Variants in EZH2 observed in about 807,000 individuals in gnomAD.
EZH2 encodes enhancer of zeste 2 polycomb repressive complex 2 subunit, also known as histone-lysine N-methyltransferase EZH2.
EZH2 carries 18 observed loss-of-function variants against 98.4 expected under a neutral mutation model. That is an observed-to-expected ratio of 0.18 (90% CI 0.13 to 0.27). EZH2 has a LOEUF of 0.27. Ranked by LOEUF, EZH2 falls within the 10% of genes least tolerant of loss-of-function variation. The probability of loss-of-function intolerance (pLI) is 1.00; values close to 1 mark genes in which losing one functional copy is unlikely to be tolerated. For synonymous variants in EZH2, 338 were observed against 312.3 expected (o/e 1.08, Z -0.87); for missense variants, 470 against 935.1 (o/e 0.50, Z 6.49).
chr7:148,830,841 G>A (rs895468245), intron 4 of EZH2, among the ~76,000 whole-genome samples: 4 of 152,202 alleles, frequency 2.6e-5, no homozygotes, highest in Non-Finnish European at 5.9e-5. Context: ...GAATAAAAAT[G>A]ACAGCAGTTA....
intron 6 of EZH2, among the ~76,000 whole-genome samples, chr7:148,827,953 T>TA (rs1445540737): frequency 6.6e-6 from 1 of 152,058 alleles, no homozygotes; most frequent in African/African-American, 2.4e-5. Flanking sequence ...CCGTCTCTAC[T>TA]AAAAAATACA....
At chr7:148,881,197 G>C (rs1820906417) in intron 1 of EZH2, among the ~76,000 whole-genome samples, 1 of 152,186 alleles carries the variant, frequency 6.6e-6, no homozygotes, top group Admixed American at 6.5e-5. Context: ...CATTATATTG[G>C]AGGATTTGTC....
In EZH2 at chr7:148,818,064, T is replaced by A; in HGVS notation, c.1053A>T (p.Pro351=). The A allele has an allele frequency of 6.2e-7, 1 of 1,613,882 alleles. No homozygotes were observed. The highest frequency in any genetic ancestry group is 8.5e-7 in the Non-Finnish European group (1 of 1,179,946). Residue 351 remains proline, a synonymous_variant, in exon 10 of 20, where the codon CCA becomes CCT. Coordinates refer to ENST00000320356, the MANE Select transcript of EZH2 (RefSeq NM_004456.5). ...TTCTGCGGCCTCCTGGACGTTTTGG[T>A]GGGGTCTTTATCCGCTCAGCGGTGA... ...AALTAERIKT[P]PKRPGGRRRG... is the part of the protein sequence containing the mutation.
intron 15 of EZH2, among the ~76,000 whole-genome samples, chr7:148,812,894 C>T (rs1803490475): frequency 6.6e-6 from 1 of 152,186 alleles, no homozygotes; most frequent in Non-Finnish European, 1.5e-5. Context: ...CTGCCATAAA[C>T]ACAGACTTTG....
intron 3 of EZH2, among the ~76,000 whole-genome samples, chr7:148,845,517 T>A (rs1813776176): frequency 1.3e-5 from 2 of 152,214 alleles, no homozygotes; most frequent in African/African-American, 2.4e-5. Context: ...TGCATTAGGA[T>A]TATGTCTGTT....
chr7:148,811,600 T>C (rs2129468975), intron 16 of EZH2, 25 bp downstream of exon 16: 1 of 1,575,794 alleles, frequency 6.3e-7, no homozygotes, highest in Non-Finnish European at 8.7e-7. Flanking sequence ...CAATGCCACC[T>C]GAATACAGGT....
intron 16 of EZH2, 111 bp from the exon 17 acceptor site, chr7:148,810,525 A>T (rs1376041513): frequency 3.1e-6 from 2 of 649,898 alleles, no homozygotes; most frequent in East Asian, 5.3e-5. Context: ...AAACGCAACA[A>T]AAAGGGTCAC....
chr7:148,879,245 AAAAAAC>A (rs908740665), intron 1 of EZH2, among the ~76,000 whole-genome samples: 4 of 151,242 alleles, frequency 2.6e-5, no homozygotes, highest in African/African-American at 7.3e-5. Context: ...AAACAAAAAC[AAAAAAC>A]AAAAACAAAA....
rs1004774648 is a variant in EZH2, at chr7:148,850,523, G to C, written c.-7-3218C>G. 6.9e-6 allele frequency: 5 copies of C among 722,850 alleles called. No homozygotes were observed. In the East Asian group the frequency reaches 6.5e-4, roughly 94 times the overall value. The allele number at this position is 722,850 out of a possible 1,614,324, so 44.8% of individuals were successfully genotyped here. Reference sequence around the variant, plus strand: ...TTGAAAGTGTAAGACTAAATAGGTAGACCTGTGAAAGAATATTAAAATTTA... The same window carrying C: ...TTGAAAGTGTAAGACTAAATAGGTACACCTGTGAAAGAATATTAAAATTTA... On this transcript the variant is annotated intron_variant, in intron 1 of 19. Transcript: ENST00000320356.
At chr7:148,821,636 G>A (rs1424355078) in intron 8 of EZH2, among the ~76,000 whole-genome samples, 1 of 152,064 alleles carries the variant, frequency 6.6e-6, no homozygotes, top group Non-Finnish European at 1.5e-5. Flanking sequence ...ACCAGCCTGG[G>A]CAACATAGTG....
At chr7:148,842,912 C>G (rs1365930969) in intron 3 of EZH2, among the ~76,000 whole-genome samples, 1 of 150,812 alleles carries the variant, frequency 6.6e-6, no homozygotes, top group Non-Finnish European at 1.5e-5. Context: ...CAAAATAATA[C>G]AAAAAAATTA....
intron 1 of EZH2, among the ~76,000 whole-genome samples, chr7:148,883,807 G>C (rs1230625210): frequency 6.6e-6 from 1 of 151,934 alleles, no homozygotes; most frequent in East Asian, 2.0e-4. Context: ...TGAGGCTCGA[G>C]CTGCCACCCT....
intron 19 of EZH2, among the ~76,000 whole-genome samples, chr7:148,807,920 G>A (rs1292323716): frequency 6.6e-6 from 1 of 151,632 alleles, no homozygotes; most frequent in Non-Finnish European, 1.5e-5. Flanking sequence ...ATCTAATTGA[G>A]ACGCTGCCAA....
At chr7:148,819,077 A>G (rs1383326581) in intron 9 of EZH2, 1 of 456,544 alleles carries the variant, frequency 2.2e-6, no homozygotes, top group Admixed American at 2.3e-5. Flanking sequence ...CAAAGAGGGG[A>G]AATGGTAAAA....
chr7:148,807,713 C>T lies in EZH2; in HGVS notation c.2196-7G>A. The T allele has an allele frequency of 6.3e-7, 1 of 1,577,500 alleles. No individual in the cohort carries two copies. Among genetic ancestry groups the T allele is most frequent in the Non-Finnish European group, 8.6e-7 (1 of 1,160,838 alleles). ...GGCATCAGCCTGGCTGTATCTGAAA[C>T]AACAGGAAGGAGATGTCCGCTGGAT... On this transcript the variant is annotated splice_polypyrimidine_tract_variant and splice_region_variant and intron_variant, in intron 19 of 19. Transcript: ENST00000320356.
chr7:148,830,095 CATCA>C (rs1438567834), intron 4 of EZH2, among the ~76,000 whole-genome samples: 2 of 152,204 alleles, frequency 1.3e-5, no homozygotes, highest in Non-Finnish European at 2.9e-5. Context: ...CTTAGTCTGT[CATCA>C]ATCATTAAAA....
chr7:148,836,513 A>G (rs1231138378), intron 3 of EZH2, among the ~76,000 whole-genome samples: 3 of 152,230 alleles, frequency 2.0e-5, no homozygotes, highest in South Asian at 4.1e-4. Context: ...GACAGTTTAC[A>G]TAATTAAGTC....
intron 3 of EZH2, among the ~76,000 whole-genome samples, chr7:148,833,932 G>C (rs893822841): frequency 6.6e-6 from 1 of 152,124 alleles, no homozygotes; most frequent in Non-Finnish European, 1.5e-5. Flanking sequence ...TTGCTAAAAT[G>C]TGTCAGTGCA....
intron 1 of EZH2, among the ~76,000 whole-genome samples, chr7:148,864,459 G>A (rs968564173): frequency 2.6e-5 from 4 of 152,050 alleles, no homozygotes; most frequent in Admixed American, 1.3e-4. Flanking sequence ...AAGGCAGGCA[G>A]ATTGCCTGAG....
Sources: allele counts gnomAD v4.1 joint callset (sites outside exome capture counted in the v4.1 genomes callset), GRCh38; gene constraint gnomAD v4.1.1; transcripts MANE v1.5; gene names NCBI Gene and HGNC (gene_info 2026-07-23, HGNC 2026-07-21).